Variants in DENND1A observed in about 807,000 individuals in gnomAD.
DENND1A encodes DENN domain containing 1A.
DENND1A carries 51 observed loss-of-function variants against 113.7 expected under a neutral mutation model. The ratio of observed to expected loss-of-function variants is 0.45; its 90% confidence interval spans 0.36 to 0.57. DENND1A has a LOEUF of 0.57. DENND1A is among the 20% of genes least tolerant of loss of function. The pLI, the probability that DENND1A is intolerant of heterozygous loss-of-function variation, is 0.00. For synonymous variants in DENND1A, 565 were observed against 570.8 expected (o/e 0.99, Z 0.14); for missense variants, 1,258 against 1,395.9 (o/e 0.90, Z 1.57).
intron 2 of DENND1A, among the ~76,000 whole-genome samples, chr9:123,841,607 A>G (rs1440190405): frequency 1.3e-5 from 2 of 152,210 alleles, no homozygotes; most frequent in African/African-American, 4.8e-5. Context: ...AACTGCCACA[A>G]GACTATACAG....
intron 1 of DENND1A, 34 bp from the exon 2 acceptor site, chr9:123,879,055 G>A: frequency 6.2e-7 from 1 of 1,604,302 alleles, no homozygotes; most frequent in East Asian, 2.2e-5. Flanking sequence ...TACTGACAAA[G>A]ATTGAGGCAG....
chr9:123,535,193 A>G (rs893598516), intron 13 of DENND1A, among the ~76,000 whole-genome samples: 1 of 152,034 alleles, frequency 6.6e-6, no homozygotes, highest in Non-Finnish European at 1.5e-5. Flanking sequence ...TTCCCACACA[A>G]CAGCCAAAAT....
At chr9:123,672,023 C>A (rs1175952770) in intron 6 of DENND1A, among the ~76,000 whole-genome samples, 2 of 152,214 alleles carry the variant, frequency 1.3e-5, no homozygotes, top group East Asian at 3.8e-4. Flanking sequence ...ATGTGGAATT[C>A]TTTGTGCTAA....
At chr9:123,745,135 C>A (rs2069383173) in intron 5 of DENND1A, among the ~76,000 whole-genome samples, 1 of 152,160 alleles carries the variant, frequency 6.6e-6, no homozygotes, top group Non-Finnish European at 1.5e-5. Flanking sequence ...AAGGCTCAGA[C>A]AGAGTAAATG....
intron 5 of DENND1A, among the ~76,000 whole-genome samples, chr9:123,683,689 T>C (rs982699776): frequency 1.3e-5 from 2 of 152,236 alleles, no homozygotes; most frequent in Admixed American, 6.5e-5. Context: ...CCCCATCGTT[T>C]ATAATACGTG....
intron 9 of DENND1A, among the ~76,000 whole-genome samples, chr9:123,646,033 C>T (rs1006659680): frequency 2.6e-5 from 4 of 152,222 alleles, no homozygotes; most frequent in South Asian, 2.1e-4. Flanking sequence ...GTGAAGGAAA[C>T]GGGCAACAAT....
chr9:123,520,994 A>C (rs2054348864), intron 13 of DENND1A, among the ~76,000 whole-genome samples: 1 of 152,210 alleles, frequency 6.6e-6, no homozygotes, highest in African/African-American at 2.4e-5. Flanking sequence ...TTCAAATAAA[A>C]AGGAAGAAAA....
chr9:123,463,684 C>T (rs1008999339), intron 13 of DENND1A, among the ~76,000 whole-genome samples: 21 of 151,922 alleles, frequency 1.4e-4, no homozygotes, highest in Middle Eastern at 3.4e-3. Flanking sequence ...CTGAGGTGGG[C>T]GGATCAACTG....
At chr9:123,912,731 C>T (rs952318333) in intron 1 of DENND1A, among the ~76,000 whole-genome samples, 1 of 152,136 alleles carries the variant, frequency 6.6e-6, no homozygotes, top group Admixed American at 6.6e-5. Context: ...CCCTGGACTT[C>T]CACCGCCTCT....
chr9:123,690,182 G>A (rs927334428), intron 5 of DENND1A, among the ~76,000 whole-genome samples: 6 of 150,240 alleles, frequency 4.0e-5, no homozygotes, highest in African/African-American at 1.5e-4. Flanking sequence ...GAAAACAAGG[G>A]GTATACACCA....
At chr9:123,445,569 G>C (rs2047242308) in intron 18 of DENND1A, among the ~76,000 whole-genome samples, 1 of 152,196 alleles carries the variant, frequency 6.6e-6, no homozygotes, top group South Asian at 2.1e-4. Flanking sequence ...TCCAGATGTG[G>C]GACATAAGAA....
intron 2 of DENND1A, among the ~76,000 whole-genome samples, chr9:123,803,232 C>T (rs1175645478): frequency 1.3e-5 from 2 of 152,148 alleles, no homozygotes; most frequent in African/African-American, 4.8e-5. Context: ...ACTCCTGACA[C>T]CTTATAGTTT....
At chr9:123,560,002 T>C (rs1022518779) in intron 12 of DENND1A, among the ~76,000 whole-genome samples, 1 of 118,366 alleles carries the variant, frequency 8.4e-6, no homozygotes, top group Admixed American at 7.8e-5. Flanking sequence ...TTCGTCCATG[T>C]TGTAGCATTG....
chr9:123,515,113 G>A (rs1037880531), intron 13 of DENND1A, among the ~76,000 whole-genome samples: 3 of 152,178 alleles, frequency 2.0e-5, no homozygotes, highest in Admixed American at 1.3e-4. Flanking sequence ...TACATGAAAC[G>A]GTACTAAAGA....
At chr9:123,596,423 A>G (rs2059695125) in intron 11 of DENND1A, among the ~76,000 whole-genome samples, 2 of 152,226 alleles carry the variant, frequency 1.3e-5, no homozygotes, top group Non-Finnish European at 2.9e-5. Flanking sequence ...CCTATATTTT[A>G]GAATGTATTA....
chr9:123,783,018 T>C (rs1037627475), intron 3 of DENND1A, among the ~76,000 whole-genome samples: 1 of 152,074 alleles, frequency 6.6e-6, no homozygotes, highest in Non-Finnish European at 1.5e-5. Context: ...TATAAATATT[T>C]GAAAAATGAA....
chr9:123,705,311 G>A (rs1210612720), intron 5 of DENND1A, among the ~76,000 whole-genome samples: 1 of 152,080 alleles, frequency 6.6e-6, no homozygotes, highest in Non-Finnish European at 1.5e-5. Flanking sequence ...CTTTACTTCT[G>A]CTCAACGTTG....
intron 10 of DENND1A, among the ~76,000 whole-genome samples, chr9:123,621,426 A>G (rs2060958798): frequency 1.3e-5 from 2 of 152,062 alleles, no homozygotes; most frequent in Non-Finnish European, 2.9e-5. Context: ...GCCCCAAGTG[A>G]TCCACCCCCT....
chr9:123,757,817 G>A lies in DENND1A; in HGVS notation c.188C>T (p.Thr63Ile), dbSNP rs2070698761. ...FCFPFYVDSL[T>I]VSQVGQNFTF... ...GAAGTTCTGGCCAACTTGGCTAACT[G>A]TGAGGCTGCAGCAAAGGCAGAACAA... Residue 63 changes from threonine (T) to isoleucine (I), a missense_variant, in exon 5 of 24, where the codon ACA becomes ATA. Around this residue, in one of 2 missense-constraint regions of DENND1A, gnomAD observed 99 missense variants for 164.2 expected, o/e 0.60. Transcript: ENST00000394215. The A allele has an allele frequency of 6.2e-7, 1 of 1,613,792 alleles. No homozygotes were observed. Among genetic ancestry groups the A allele is most frequent in the African/African-American group, 1.3e-5 (1 of 75,036 alleles).
Sources: gnomAD v4.1 joint callset for allele counts (sites outside exome capture counted in the v4.1 genomes callset) on GRCh38, gnomAD v4.1.1 for gene constraint, gnomAD v4.1.1 regional missense constraint, MANE v1.5 for transcripts, NCBI Gene and HGNC (gene_info 2026-07-23, HGNC 2026-07-21) for gene names.